RPS6KA2: variants seen among roughly 807,000 people sequenced by gnomAD.
The protein encoded by RPS6KA2 is ribosomal protein S6 kinase alpha-2.
RPS6KA2 carries 42 observed loss-of-function variants against 91.8 expected under a neutral mutation model. That is an observed-to-expected ratio of 0.46 (90% CI 0.36 to 0.59). The LOEUF is 0.59. RPS6KA2 is among the 20% of genes least tolerant of loss of function. RPS6KA2 has a pLI of 0.00. For missense variants in RPS6KA2, 798 were observed against 978.5 expected (o/e 0.82, Z 2.46); for synonymous variants, 414 against 393.6 (o/e 1.05, Z -0.61).
At chr6:166,414,791 G>A (rs1390052852) in intron 19 of RPS6KA2, among the ~76,000 whole-genome samples, 2 of 152,214 alleles carry the variant, frequency 1.3e-5, no homozygotes, top group Non-Finnish European at 2.9e-5. Context: ...GCGGCTGGGC[G>A]CGTTGGCTCA....
rs186328936 is a variant in RPS6KA2, at chr6:166,783,735, C to T, written c.123+74465G>A. Among the ~76,000 whole-genome samples, 44 of 131,662 alleles carry T rather than the reference C, an allele frequency of 3.3e-4. No individual in the cohort carries two copies. In the East Asian group the frequency reaches 3.5e-3, roughly 10 times the overall value. 86.4% of individuals were successfully genotyped at this position (131,662 alleles called of 152,430 possible). A position where few individuals can be genotyped will look rare whatever the true frequency, so the allele number is the denominator to read the frequency against. On this transcript the variant is annotated intron_variant, in intron 2 of 21. Coordinates refer to the RPS6KA2 transcript ENST00000503859. ...ACACTTATTTGTAATCACATACACGCGTGGACACCTATCTAAAACCACATA... is the reference window on the plus strand; with the variant it reads ...ACACTTATTTGTAATCACATACACGTGTGGACACCTATCTAAAACCACATA...
chr6:166,835,523 G>T (rs1036262123), intron 2 of RPS6KA2, among the ~76,000 whole-genome samples: 1 of 152,122 alleles, frequency 6.6e-6, no homozygotes, highest in African/African-American at 2.4e-5. Flanking sequence ...CCTACTGTAT[G>T]TCATTTTAAT....
intron 1 of RPS6KA2, among the ~76,000 whole-genome samples, chr6:166,576,972 C>T (rs911677164): frequency 1.3e-5 from 2 of 152,102 alleles, no homozygotes; most frequent in African/African-American, 4.8e-5. Context: ...GACTTGGTGC[C>T]CTGCATCTCA....
chr6:166,787,495 T>C (rs183706161), intron 2 of RPS6KA2, among the ~76,000 whole-genome samples: 15 of 152,082 alleles, frequency 9.9e-5, no homozygotes, highest in East Asian at 3.9e-4. Flanking sequence ...GAAGTAGAAA[T>C]GTTCCAAAAA....
intron 1 of RPS6KA2, among the ~76,000 whole-genome samples, chr6:166,551,361 G>C (rs529691365): frequency 6.6e-6 from 1 of 152,196 alleles, no homozygotes; most frequent in Non-Finnish European, 1.5e-5. Context: ...AGATCATTCC[G>C]GATCTCCTTG....
intron 2 of RPS6KA2, among the ~76,000 whole-genome samples, chr6:166,819,346 T>C (rs1365151183): frequency 1.9e-4 from 29 of 152,202 alleles, no homozygotes; most frequent in Admixed American, 1.9e-3. Flanking sequence ...TATATCCACA[T>C]GTATACAGTT....
chr6:166,862,037 G>T (rs1001890172), intron 1 of RPS6KA2: 4 of 1,593,518 alleles, frequency 2.5e-6, no homozygotes, highest in African/African-American at 1.3e-5. Context: ...TATAGTAAAT[G>T]AGCAATGCAT....
At chr6:166,783,264 G>C (rs1778818728) in intron 2 of RPS6KA2, among the ~76,000 whole-genome samples, 1 of 151,756 alleles carries the variant, frequency 6.6e-6, no homozygotes, top group South Asian at 2.1e-4. Context: ...GAAATCAGCA[G>C]ATTTGAGTAA....
At position 166,653,242 on chromosome 6, in the gene RPS6KA2, G is replaced by A. The variant is rs191861923; in HGVS notation, c.124-114458C>T. On this transcript the variant is annotated intron_variant, in intron 2 of 21. Transcript: ENST00000503859. ...TGCCCGACTAATTTTTGTATGTTTA[G>A]TAGAGACAGGGTTTCACCATGTTGG... 2.7e-3 allele frequency among the ~76,000 whole-genome samples: 415 copies of A among 152,320 alleles called. 2 individuals are homozygous for A. Among genetic ancestry groups the A allele is most frequent in the African/African-American group, 9.7e-3 (404 of 41,558 alleles).
At chr6:166,426,025 A>G (rs1043556594) in intron 16 of RPS6KA2, among the ~76,000 whole-genome samples, 1 of 151,978 alleles carries the variant, frequency 6.6e-6, no homozygotes, top group Non-Finnish European at 1.5e-5. Context: ...CACCACACCT[A>G]TTCCAAAATT....
Position 166,720,151 on chromosome 6 carries a change from G to T in RPS6KA2, c.123+138049C>A, listed in dbSNP as rs564251952. Among the ~76,000 whole-genome samples, 4 of 152,304 alleles carry T rather than the reference G, an allele frequency of 2.6e-5. No homozygotes were observed. The East Asian group carries it at 7.7e-4, about 29-fold the overall frequency. Reference sequence around the variant, plus strand: ...CTTTTAAACAACAAAACATTGTAAAGTGGGCATCTTTGTATTAAATTCCTA... The same window carrying T: ...CTTTTAAACAACAAAACATTGTAAATTGGGCATCTTTGTATTAAATTCCTA... On this transcript the variant is annotated intron_variant, in intron 2 of 21. Transcript: ENST00000503859.
At chr6:166,539,303 C>T (rs1239723371) in intron 1 of RPS6KA2, among the ~76,000 whole-genome samples, 1 of 152,196 alleles carries the variant, frequency 6.6e-6, no homozygotes, top group Non-Finnish European at 1.5e-5. Flanking sequence ...TCTCCATGGA[C>T]TTTTGTCATT....
chr6:166,538,687 C>A lies in RPS6KA2; in HGVS notation c.197G>T (p.Gly66Val). Residue 66 changes from glycine to valine, a missense_variant, in exon 2 of 21, where the codon GGA becomes GTA. Physicochemically the swap from Gly to Val is moderately radical, Grantham distance 109. Transcript: ENST00000265678. ...ACTTACCTTTCCATAGGATCCTTGT[C>A]CTAAAACCTTCAGCAGCTCAAACTG... ...PSQFELLKVL[G>V]QGSYGKVFLV... The A allele has an allele frequency of 6.2e-7, 1 of 1,603,848 alleles. No homozygotes were observed. Among genetic ancestry groups the A allele is most frequent in the South Asian group, 1.1e-5 (1 of 90,800 alleles).
At chr6:166,515,506 C>T (rs1237484101) in intron 3 of RPS6KA2, among the ~76,000 whole-genome samples, 1 of 152,158 alleles carries the variant, frequency 6.6e-6, no homozygotes, top group Non-Finnish European at 1.5e-5. Context: ...GTTTTATTAA[C>T]CATGACTGCA....
intron 10 of RPS6KA2, among the ~76,000 whole-genome samples, chr6:166,477,949 C>A (rs1450436201): frequency 6.6e-6 from 1 of 152,226 alleles, no homozygotes; most frequent in Non-Finnish European, 1.5e-5. Context: ...CAAGACAAAG[C>A]GCTTCGATTG....
At position 166,647,640 on chromosome 6, in the gene RPS6KA2, C is replaced by T. The variant is rs552634844; in HGVS notation, c.124-108856G>A. 4.1e-4 allele frequency among the ~76,000 whole-genome samples: 62 copies of T among 152,334 alleles called. No individual in the cohort carries two copies. In the South Asian group the frequency reaches 9.3e-3, roughly 23 times the overall value. On this transcript the variant is annotated intron_variant, in intron 2 of 21. Transcript: ENST00000503859. ...TACTACTGCTCTTAAATTATCCAAA[C>T]GTAGCACATTTGAAAAATAGCCCCA...
At chr6:166,650,295 A>C (rs940209593) in intron 2 of RPS6KA2, among the ~76,000 whole-genome samples, 7 of 152,054 alleles carry the variant, frequency 4.6e-5, no homozygotes, top group African/African-American at 1.4e-4. Context: ...CCACATTCTT[A>C]TTCATAGACA....
intron 2 of RPS6KA2, among the ~76,000 whole-genome samples, chr6:166,751,359 GCA>G (rs1791277389): frequency 1.3e-5 from 2 of 152,230 alleles, no homozygotes; most frequent in South Asian, 2.1e-4. Context: ...CCCGTCAAAC[GCA>G]CAGTCACAGG....
rs193002984 is a variant in RPS6KA2, at chr6:166,786,603, T to C, written c.123+71597A>G. ...GTAATTTACTTCAAACATTGCTAGG[T>C]TAATAGATATTGCCATTTTATAGTA... On this transcript the variant is annotated intron_variant, in intron 2 of 21. Transcript: ENST00000503859. Among the ~76,000 whole-genome samples the C allele has an allele frequency of 6.6e-5, 10 of 152,264 alleles. No individual in the cohort carries two copies. The East Asian group carries it at 1.7e-3, about 26-fold the overall frequency.
Sources: gnomAD v4.1 joint callset for allele counts (sites outside exome capture counted in the v4.1 genomes callset) on GRCh38, gnomAD v4.1.1 for gene constraint, MANE v1.5 for transcripts, NCBI Gene and HGNC (gene_info 2026-07-23, HGNC 2026-07-21) for gene names.